Variants in SLCO3A1 observed in about 807,000 individuals in gnomAD.
SLCO3A1 encodes PGE1 transporter.
Under a neutral mutation model 63.1 loss-of-function variants are expected in SLCO3A1, and 27 were observed. The ratio of observed to expected loss-of-function variants is 0.43; its 90% CI spans 0.32 to 0.59. SLCO3A1 has a LOEUF of 0.59. Among genes scored for constraint, SLCO3A1 ranks in the 20% least tolerant of loss-of-function variants. SLCO3A1 has a pLI of 0.09. For missense variants in SLCO3A1, 773 were observed against 945.8 expected, an observed-to-expected ratio of 0.82 and a Z score of 2.40; for synonymous variants, 473 against 409.9, an observed-to-expected ratio of 1.15 and a Z score of -1.86.
At chr15:92,068,337 C>G (rs1468237922) in intron 2 of SLCO3A1, among the ~76,000 whole-genome samples, 2 of 151,256 alleles carry the variant, frequency 1.3e-5, no homozygotes, top group Admixed American at 1.3e-4. Flanking sequence ...CACCTTACTC[C>G]CACTTTCAGA....
chr15:92,085,833 G>T (rs1029291315), intron 2 of SLCO3A1, among the ~76,000 whole-genome samples: 4 of 152,024 alleles, frequency 2.6e-5, no homozygotes, highest in Non-Finnish European at 5.9e-5. Context: ...CCTTTCCCTG[G>T]TGTTCTTTAT....
chr15:91,942,339 G>A lies in SLCO3A1; in HGVS notation c.646+25881G>A, dbSNP rs1899650712. Among the ~76,000 whole-genome samples, 1 of 152,200 alleles carries A rather than the reference G, an allele frequency of 6.6e-6. No individual in the cohort carries two copies. Among genetic ancestry groups the A allele is most frequent in the South Asian group, 2.1e-4 (1 of 4,832 alleles). On this transcript the variant is annotated intron_variant, in intron 2 of 9. Coordinates refer to ENST00000318445, the MANE Select transcript of SLCO3A1 (RefSeq NM_013272.4). This position sits in a 1 kb window ranked among gnomAD's most constrained non-coding sequence, Gnocchi z 4.1. Reference sequence around the variant, plus strand: ...AGATATTGTTACACAGTGGTGATATGAGAACACACACCTGTCCATCGTTGA... The same window carrying A: ...AGATATTGTTACACAGTGGTGATATAAGAACACACACCTGTCCATCGTTGA...
At chr15:92,142,174 T>G (rs747589466) in intron 7 of SLCO3A1, among the ~76,000 whole-genome samples, 1 of 152,250 alleles carries the variant, frequency 6.6e-6, no homozygotes, top group Admixed American at 6.5e-5. Context: ...ACATTTTCAT[T>G]GGTCTTGTGC....
At chr15:91,898,673 G>C (rs4244909) in intron 1 of SLCO3A1, among the ~76,000 whole-genome samples, 82,966 of 151,794 alleles carry the variant, frequency 0.55, 25,063 homozygotes, top group East Asian at 0.84. Context: ...CATGCATTTT[G>C]GATGGAGTTG....
At chr15:91,953,445 C>G (rs761465266) in intron 2 of SLCO3A1, among the ~76,000 whole-genome samples, 168 of 152,008 alleles carry the variant, frequency 1.1e-3, no homozygotes, top group Non-Finnish European at 1.7e-3. Flanking sequence ...GGAATGGTGT[C>G]AGGCCTCTTG....
chr15:92,135,985 T>G (rs775033125), intron 7 of SLCO3A1, among the ~76,000 whole-genome samples: 8 of 152,012 alleles, frequency 5.3e-5, no homozygotes, highest in Non-Finnish European at 1.0e-4. Flanking sequence ...TTGGGCAACA[T>G]AGTGAGACCC....
At chr15:92,053,454 T>C (rs1357280340) in intron 2 of SLCO3A1, among the ~76,000 whole-genome samples, 2 of 152,130 alleles carry the variant, frequency 1.3e-5, no homozygotes, top group African/African-American at 4.8e-5. Flanking sequence ...TCATCTGAGG[T>C]CCACATTTTA....
chr15:92,166,736 G>A (rs924871622), downstream of SLCO3A1, among the ~76,000 whole-genome samples: 1 of 152,200 alleles, frequency 6.6e-6, no homozygotes, highest in African/African-American at 2.4e-5. Flanking sequence ...TCCAGAGGAG[G>A]TCATTCACTG....
intron 9 of SLCO3A1, among the ~76,000 whole-genome samples, chr15:92,156,739 A>G (rs1352849713): frequency 6.6e-6 from 1 of 152,246 alleles, no homozygotes; most frequent in Non-Finnish European, 1.5e-5. Context: ...TAATTCCACC[A>G]GGTTGAATAG....
At chr15:91,867,471 A>T (rs1897193190) in intron 1 of SLCO3A1, among the ~76,000 whole-genome samples, 1 of 151,864 alleles carries the variant, frequency 6.6e-6, no homozygotes, top group Non-Finnish European at 1.5e-5. Context: ...TTCTTGCAAG[A>T]TGAGCTAACA....
Position 91,950,059 on chromosome 15 carries a change from G to A in SLCO3A1, c.646+33601G>A, listed in dbSNP as rs534513596. Reference sequence around the variant, plus strand: ...ACTGTGATGGATTCTATACGGAAGAGATAAATGCCCTGCTGTGGAAATGTA... The same window carrying A: ...ACTGTGATGGATTCTATACGGAAGAAATAAATGCCCTGCTGTGGAAATGTA... On this transcript the variant is annotated intron_variant, in intron 2 of 9. Transcript: ENST00000318445. The surrounding 1 kb of genome is among the most constrained non-coding windows in gnomAD (Gnocchi z 4.4). 1.0e-3 allele frequency among the ~76,000 whole-genome samples: 154 copies of A among 152,298 alleles called. No homozygotes were observed. Among genetic ancestry groups the A allele is most frequent in the African/African-American group, 3.5e-3 (146 of 41,566 alleles).
intron 2 of SLCO3A1, among the ~76,000 whole-genome samples, chr15:91,928,353 T>C (rs1459686799): frequency 6.6e-6 from 1 of 152,180 alleles, no homozygotes; most frequent in African/African-American, 2.4e-5. Flanking sequence ...GCTGTTATTC[T>C]TTCTGTGTAG....
chr15:92,025,981 T>G (rs959416323), intron 2 of SLCO3A1, among the ~76,000 whole-genome samples: 15 of 152,182 alleles, frequency 9.9e-5, no homozygotes, highest in African/African-American at 3.1e-4. Flanking sequence ...TGGCACTGAT[T>G]GTTTACATAT....
intron 2 of SLCO3A1, among the ~76,000 whole-genome samples, chr15:92,005,383 C>T (rs937220084): frequency 1.3e-5 from 2 of 152,200 alleles, no homozygotes; most frequent in African/African-American, 4.8e-5. Flanking sequence ...GCTTCAAGAG[C>T]GTCTGGAAAG....
intron 2 of SLCO3A1, among the ~76,000 whole-genome samples, chr15:92,061,286 A>T (rs2047083443): frequency 6.6e-6 from 1 of 152,218 alleles, no homozygotes; most frequent in Non-Finnish European, 1.5e-5. Flanking sequence ...CTCAGCCCTA[A>T]TAATATTTCA....
At chr15:91,928,281 A>G (rs1200801883) in intron 2 of SLCO3A1, among the ~76,000 whole-genome samples, 1 of 152,228 alleles carries the variant, frequency 6.6e-6, no homozygotes, top group Non-Finnish European at 1.5e-5. Flanking sequence ...TATGACATAC[A>G]GACAACCAGT....
intron 8 of SLCO3A1, chr15:92,149,154 A>G (rs557601528): frequency 6.6e-6 from 1 of 152,566 alleles, no homozygotes; most frequent in Non-Finnish European, 1.5e-5. Context: ...ACTACCAAAC[A>G]TGGAAAGTTT....
intron 2 of SLCO3A1, among the ~76,000 whole-genome samples, chr15:92,073,296 A>G (rs969144479): frequency 6.6e-6 from 1 of 152,220 alleles, no homozygotes; most frequent in Non-Finnish European, 1.5e-5. Context: ...AGGGCTCGGT[A>G]GCATGAGTTT....
intron 7 of SLCO3A1, among the ~76,000 whole-genome samples, chr15:92,143,469 A>ATATATTATATATAAATATAT (rs1447344406): frequency 4.7e-5 from 1 of 21,200 alleles, no homozygotes; most frequent in African/African-American, 2.9e-4. Flanking sequence ...AATATATATA[A>ATATATTATATATAAATATAT]ATATATATAT....
Sources: allele counts gnomAD v4.1 joint callset (sites outside exome capture counted in the v4.1 genomes callset), GRCh38; gene constraint gnomAD v4.1.1; non-coding constraint Gnocchi (gnomAD v3.1); transcripts MANE v1.5; gene names NCBI Gene and HGNC (gene_info 2026-07-23, HGNC 2026-07-21).